Variants in ACTN2 observed in about 807,000 individuals in gnomAD.
ACTN2 encodes the protein alpha-actinin-2.
ACTN2 carries 39 observed loss-of-function variants against 113.8 expected under a neutral mutation model. The observed-to-expected ratio is 0.34, with a 90% CI of 0.27 to 0.45. The LOEUF (loss-of-function observed/expected upper bound fraction) is 0.45, where lower values mean the gene tolerates loss of function less well. Among genes scored for constraint, ACTN2 ranks in the 20% least tolerant of loss-of-function variants. The probability of loss-of-function intolerance (pLI) is 1.00; values close to 1 mark genes in which losing one functional copy is unlikely to be tolerated. For synonymous variants in ACTN2, 429 were observed against 444.1 expected, an observed-to-expected ratio of 0.97 and a Z score of 0.43; for missense variants, 992 against 1,177.9, an observed-to-expected ratio of 0.84 and a Z score of 2.31.
At chr1:236,689,887 A>G (rs1251204297) in intron 1 of ACTN2, among the ~76,000 whole-genome samples, 1 of 152,250 alleles carries the variant, frequency 6.6e-6, no homozygotes, top group Non-Finnish European at 1.5e-5. Flanking sequence ...TTGTCAGAGC[A>G]GCAATGCTGA....
chr1:236,752,772 C>CA (rs1380757189), intron 15 of ACTN2, among the ~76,000 whole-genome samples: 1 of 151,990 alleles, frequency 6.6e-6, no homozygotes, highest in Admixed American at 6.6e-5. Context: ...AGGCTGGTCT[C>CA]AAACTCCTGA....
At chr1:236,745,360 G>A (rs536144463) in intron 12 of ACTN2, among the ~76,000 whole-genome samples, 24 of 152,326 alleles carry the variant, frequency 1.6e-4, no homozygotes, top group Admixed American at 5.2e-4. Context: ...TGTGAACCCA[G>A]GAGGCGGAGC....
rs745317077 is a variant in ACTN2 at position 236,762,488 on chromosome 1, C to T, written c.2554C>T (p.Arg852Trp). 40 of 1,614,046 alleles carry T rather than the reference C, an allele frequency of 2.5e-5. No individual in the cohort carries two copies. In the East Asian group the frequency reaches 2.7e-4, roughly 11 times the overall value. ...KPYILAEELR[R>W]ELPPDQAQYC... ...ATACATCCTGGCGGAGGAGCTGCGT[C>T]GGGAGCTGCCCCCGGATCAGGCCCA... The change falls in exon 21 of 21, where the codon CGG (arginine) becomes TGG (tryptophan). Residue 852 changes from arginine (R) to tryptophan (W), a missense_variant. Coordinates refer to ENST00000366578, the MANE Select transcript of ACTN2 (RefSeq NM_001103.4).
intron 6 of ACTN2, among the ~76,000 whole-genome samples, chr1:236,728,700 T>A (rs2564764): frequency 0.4 from 60,226 of 151,802 alleles, 12,961 homozygotes; most frequent in East Asian, 0.55. Context: ...TTAGTGTGTT[T>A]AAGTCTCAGA....
chr1:236,744,979 A>G (rs1450864977), intron 12 of ACTN2, among the ~76,000 whole-genome samples: 1 of 152,174 alleles, frequency 6.6e-6, no homozygotes, highest in African/African-American at 2.4e-5. Flanking sequence ...CCTACCATCC[A>G]GCAGCACCCC....
At chr1:236,707,316 C>T (rs1360787127) in intron 1 of ACTN2, among the ~76,000 whole-genome samples, 1 of 152,186 alleles carries the variant, frequency 6.6e-6, no homozygotes, top group Non-Finnish European at 1.5e-5. Flanking sequence ...GATCAGAGAC[C>T]TTCTTGCACC....
chr1:236,738,363 T>C (rs897298709), intron 9 of ACTN2, among the ~76,000 whole-genome samples: 19 of 152,248 alleles, frequency 1.2e-4, no homozygotes, highest in African/African-American at 4.3e-4. Context: ...TCAGGACATT[T>C]GGAATAAATG....
chr1:236,730,764 A>G (rs1658690875), intron 6 of ACTN2, among the ~76,000 whole-genome samples: 1 of 152,170 alleles, frequency 6.6e-6, no homozygotes, highest in Non-Finnish European at 1.5e-5. Flanking sequence ...TTGTAACACT[A>G]GTAACACTCT....
chr1:236,715,108 G>A (rs1658139796), intron 1 of ACTN2, among the ~76,000 whole-genome samples: 2 of 152,072 alleles, frequency 1.3e-5, no homozygotes, highest in South Asian at 2.1e-4. Flanking sequence ...AAGGTGAGAG[G>A]ATGGATTTTT....
intron 1 of ACTN2, among the ~76,000 whole-genome samples, chr1:236,703,704 T>TA (rs1657743933): frequency 6.6e-6 from 1 of 151,924 alleles, no homozygotes; most frequent in Non-Finnish European, 1.5e-5. Context: ...TCAAGAATTT[T>TA]AAAACGCCCT....
At chr1:236,716,022 A>G (rs1326713812) in intron 1 of ACTN2, among the ~76,000 whole-genome samples, 2 of 152,132 alleles carry the variant, frequency 1.3e-5, no homozygotes, top group Non-Finnish European at 2.9e-5. Context: ...AGACCTGACT[A>G]AAGCTTAGAC....
At chr1:236,691,100 C>G (rs960439753) in intron 1 of ACTN2, among the ~76,000 whole-genome samples, 1 of 151,778 alleles carries the variant, frequency 6.6e-6, no homozygotes, top group Non-Finnish European at 1.5e-5. Context: ...GCTAGGATTA[C>G]AGCTGGCTAA....
chr1:236,707,606 C>T (rs149910665), intron 1 of ACTN2, among the ~76,000 whole-genome samples: 123 of 151,862 alleles, frequency 8.1e-4, no homozygotes, highest in African/African-American at 2.8e-3. Context: ...GTTTCCTAGT[C>T]GCTTATAATC....
intron 11 of ACTN2, among the ~76,000 whole-genome samples, chr1:236,743,580 T>C (rs1222783138): frequency 1.3e-5 from 2 of 152,286 alleles, no homozygotes; most frequent in Middle Eastern, 3.4e-3. Context: ...TTTTTTTTTT[T>C]TTTTAGCTGT....
intron 1 of ACTN2, among the ~76,000 whole-genome samples, chr1:236,709,255 T>TATATATATATATACAC (rs796606511): frequency 1.5e-5 from 1 of 68,900 alleles, no homozygotes; most frequent in Non-Finnish European, 2.8e-5. Flanking sequence ...TATATATATA[T>TATATATATATATACAC]ACACACACAC....
Position 236,718,937 on chromosome 1 carries a change from C to T in ACTN2, c.285C>T (p.His95=), listed in dbSNP as rs1234759799. 1.9e-6 allele frequency: 3 copies of T among 1,614,064 alleles called. No homozygotes were observed. In the African/African-American group the frequency reaches 4.0e-5, roughly 22 times the overall value. The change falls in exon 3 of 21, where the codon CAC becomes CAT. Residue 95 remains histidine, a synonymous_variant. Coordinates refer to ENST00000366578, the MANE Select transcript of ACTN2 (RefSeq NM_001103.4). Reference sequence around the variant, plus strand: ...CTGACCGGGGAAAAATGCGGTTCCACAAAATTGCTAATGTCAACAAAGCTT... The same window carrying T: ...CTGACCGGGGAAAAATGCGGTTCCATAAAATTGCTAATGTCAACAAAGCTT... ...PKPDRGKMRF[H]KIANVNKALD...
chr1:236,739,184 C>A, intron 9 of ACTN2, 118 bp from the exon 10 acceptor site: 1 of 1,069,134 alleles, frequency 9.4e-7, no homozygotes, highest in Non-Finnish European at 1.4e-6. Context: ...GGTACCACAT[C>A]TCAGTGATTT....
intron 19 of ACTN2, among the ~76,000 whole-genome samples, chr1:236,760,274 A>T (rs961221876): frequency 4.6e-5 from 7 of 152,058 alleles, no homozygotes; most frequent in Non-Finnish European, 7.4e-5. Flanking sequence ...GAACCAAAGC[A>T]TTTATTTTTA....
intron 9 of ACTN2, among the ~76,000 whole-genome samples, chr1:236,738,529 T>C (rs1477799598): frequency 6.6e-6 from 1 of 152,256 alleles, no homozygotes; most frequent in Non-Finnish European, 1.5e-5. Flanking sequence ...TCCTTAGGAA[T>C]TCAATTCTTC....
Sources: allele counts gnomAD v4.1 joint callset (sites outside exome capture counted in the v4.1 genomes callset), GRCh38; gene constraint gnomAD v4.1.1; transcripts MANE v1.5; gene names NCBI Gene and HGNC (gene_info 2026-07-23, HGNC 2026-07-21).